Variants in GPC6 observed in about 807,000 individuals in gnomAD.
GPC6 encodes the protein glypican 6, also known as glypican-6.
GPC6 carries 14 observed loss-of-function variants against 55.2 expected under a neutral mutation model. The observed-to-expected ratio is 0.25, with a 90% CI of 0.17 to 0.40. The LOEUF (loss-of-function observed/expected upper bound fraction) is 0.40. Among genes scored for constraint, GPC6 ranks in the 10% least tolerant of loss-of-function variants. GPC6 has a pLI of 1.00. For missense variants in GPC6, 641 were observed against 708.5 expected, an observed-to-expected ratio of 0.90 and a Z score of 1.08; for synonymous variants, 278 against 259.6, an observed-to-expected ratio of 1.07 and a Z score of -0.68.
chr13:94,342,457 C>T (rs1031034566), intron 6 of GPC6, among the ~76,000 whole-genome samples: 9 of 152,170 alleles, frequency 5.9e-5, no homozygotes, highest in African/African-American at 2.2e-4. Context: ...GGCAGTGATG[C>T]AGCCGTCGGT....
chr13:93,727,427 C>T (rs1000156648), intron 2 of GPC6, among the ~76,000 whole-genome samples: 2 of 152,102 alleles, frequency 1.3e-5, no homozygotes, highest in African/African-American at 4.8e-5. Flanking sequence ...CTATCTGGCC[C>T]ACATCATCTC....
intron 6 of GPC6, among the ~76,000 whole-genome samples, chr13:94,363,340 A>G (rs1879143032): frequency 6.6e-6 from 1 of 152,182 alleles, no homozygotes; most frequent in Non-Finnish European, 1.5e-5. Flanking sequence ...GTTCCCATTT[A>G]TATAAACTGA....
intron 2 of GPC6, among the ~76,000 whole-genome samples, chr13:93,645,247 GT>G (rs11341783): frequency 0.48 from 70,143 of 144,682 alleles, 18,522 homozygotes; most frequent in Middle Eastern, 0.66. Context: ...AGAGCCTACT[GT>G]TTTTTTTTTT....
At chr13:93,636,393 C>T (rs1447698891) in intron 2 of GPC6, among the ~76,000 whole-genome samples, 1 of 152,106 alleles carries the variant, frequency 6.6e-6, no homozygotes, top group Non-Finnish European at 1.5e-5. Flanking sequence ...GTGGAATTTG[C>T]AAGAAAACTA....
chr13:93,372,392 G>A (rs536104227), intron 1 of GPC6, among the ~76,000 whole-genome samples: 1 of 152,178 alleles, frequency 6.6e-6, no homozygotes, highest in South Asian at 2.1e-4. Flanking sequence ...GAGAATGATT[G>A]GAGTGCCAGT....
At chr13:93,510,971 G>GTGTATATATA (rs1880939244) in intron 1 of GPC6, among the ~76,000 whole-genome samples, 1 of 69,786 alleles carries the variant, frequency 1.4e-5, no homozygotes, top group African/African-American at 4.9e-5. Flanking sequence ...ATATATATAT[G>GTGTATATATA]TGTATATATA....
At chr13:94,121,272 C>T (rs1886620158) in intron 4 of GPC6, among the ~76,000 whole-genome samples, 1 of 152,040 alleles carries the variant, frequency 6.6e-6, no homozygotes, top group Admixed American at 6.6e-5. Flanking sequence ...CAGAGTGGGC[C>T]CTGTAGAAGC....
At chr13:93,220,833 G>A in the GPC6 span, among the ~76,000 whole-genome samples, 1 of 152,100 alleles carries the variant, frequency 6.6e-6, no homozygotes. Context: ...TAGAATCAAT[G>A]AAGAGTAGAC....
At chr13:93,488,599 G>T (rs920558273) in intron 1 of GPC6, among the ~76,000 whole-genome samples, 2 of 152,150 alleles carry the variant, frequency 1.3e-5, no homozygotes, top group Non-Finnish European at 2.9e-5. Context: ...GTGTAAGAGT[G>T]TTCCTATTTC....
chr13:94,029,355 A>T (rs766807051), intron 4 of GPC6, among the ~76,000 whole-genome samples: 4 of 152,258 alleles, frequency 2.6e-5, no homozygotes, highest in Non-Finnish European at 5.9e-5. Flanking sequence ...TTTAAAAGTT[A>T]ATCATTAAGT....
chr13:93,723,675 C>T (rs1036158675), intron 2 of GPC6, among the ~76,000 whole-genome samples: 2 of 151,968 alleles, frequency 1.3e-5, no homozygotes, highest in Non-Finnish European at 2.9e-5. Flanking sequence ...ACATCTGCTA[C>T]CTGTAGTCAA....
At chr13:94,228,616 G>T (rs1409079859) in intron 4 of GPC6, among the ~76,000 whole-genome samples, 1 of 151,992 alleles carries the variant, frequency 6.6e-6, no homozygotes, top group Non-Finnish European at 1.5e-5. Flanking sequence ...TTCCCAGAAG[G>T]TGAAGTTATC....
At chr13:93,564,413 C>T (rs1875981043) in intron 2 of GPC6, among the ~76,000 whole-genome samples, 1 of 151,842 alleles carries the variant, frequency 6.6e-6, no homozygotes, top group South Asian at 2.1e-4. Flanking sequence ...AGAGAAAAGT[C>T]CTTTTGTACC....
At chr13:93,715,963 A>G (rs556281805) in intron 2 of GPC6, among the ~76,000 whole-genome samples, 52 of 151,738 alleles carry the variant, frequency 3.4e-4, no homozygotes, top group African/African-American at 1.2e-3. Context: ...AGGATGTTTC[A>G]GTCAATGAAG....
At chr13:93,840,277 C>T (rs1292851473) in intron 3 of GPC6, among the ~76,000 whole-genome samples, 1 of 151,998 alleles carries the variant, frequency 6.6e-6, no homozygotes, top group Non-Finnish European at 1.5e-5. Flanking sequence ...CAACTGACAC[C>T]ACTGAAACAC....
intron 2 of GPC6, among the ~76,000 whole-genome samples, chr13:93,612,583 A>G (rs79717040): frequency 0.037 from 5,616 of 151,550 alleles, 349 homozygotes; most frequent in African/African-American, 0.13. Context: ...TTAGAATTCT[A>G]CTGTAATAAA....
At chr13:93,573,487 A>T (rs1019321257) in intron 2 of GPC6, among the ~76,000 whole-genome samples, 3 of 152,098 alleles carry the variant, frequency 2.0e-5, no homozygotes, top group African/African-American at 7.2e-5. Context: ...CAAAAAAAAA[A>T]GTTTAAATTT....
At chr13:94,323,738 T>C (rs1162505247) in intron 6 of GPC6, among the ~76,000 whole-genome samples, 2 of 152,204 alleles carry the variant, frequency 1.3e-5, no homozygotes, top group African/African-American at 2.4e-5. Flanking sequence ...TTTAAACTTA[T>C]ACAAATAGAA....
At chr13:94,352,484 G>C (rs183808792) in intron 6 of GPC6, among the ~76,000 whole-genome samples, 1 of 151,594 alleles carries the variant, frequency 6.6e-6, no homozygotes, top group African/African-American at 2.4e-5. Flanking sequence ...CTAGAGGAGA[G>C]TGAGGCCCCA....
Sources: gnomAD v4.1 joint callset for allele counts (sites outside exome capture counted in the v4.1 genomes callset) on GRCh38, gnomAD v4.1.1 for gene constraint, MANE v1.5 for transcripts, NCBI Gene and HGNC (gene_info 2026-07-23, HGNC 2026-07-21) for gene names.